SLC5A11: variants seen among roughly 807,000 people sequenced by gnomAD.
SLC5A11 encodes the protein solute carrier family 5 member 11.
Under a neutral mutation model 69.8 loss-of-function variants are expected in SLC5A11, and 48 were observed. That is an observed-to-expected ratio of 0.69 (90% CI 0.55 to 0.87). The LOEUF (loss-of-function observed/expected upper bound fraction) is 0.87, where lower values mean the gene tolerates loss of function less well. Ranked by LOEUF, SLC5A11 falls within the 40% of genes least tolerant of loss-of-function variation. SLC5A11 has a pLI of 0.00. For missense variants in SLC5A11, 784 were observed against 866.1 expected (o/e 0.91, Z 1.19); for synonymous variants, 319 against 342.4 (o/e 0.93, Z 0.75).
At chr16:24,910,178 A>T (rs923104189) in intron 14 of SLC5A11, 128 bp from the exon 16 acceptor site, 2 of 609,110 alleles carry the variant, frequency 3.3e-6, no homozygotes, top group Non-Finnish European at 4.9e-6. Flanking sequence ...ATGGGGTGGG[A>T]GGGTGGGGCT....
At chr16:24,907,758 TG>T (rs1369302403) in intron 12 of SLC5A11, among the ~76,000 whole-genome samples, 1 of 151,920 alleles carries the variant, frequency 6.6e-6, no homozygotes, top group Non-Finnish European at 1.5e-5. Context: ...TGTTGGCATG[TG>T]TCTGTAATCC....
chr16:24,864,148 C>CT (rs1357973275), intron 3 of SLC5A11, among the ~76,000 whole-genome samples: 1 of 152,082 alleles, frequency 6.6e-6, no homozygotes, highest in African/African-American at 2.4e-5. Flanking sequence ...AAAACTCAGA[C>CT]ATATTTCTGG....
chr16:24,849,602 A>ATG, intron 1 of SLC5A11, among the ~76,000 whole-genome samples: 1 of 122,232 alleles, frequency 8.2e-6, no homozygotes, highest in Non-Finnish European at 1.8e-5. Context: ...AAATATATAT[A>ATG]TATATATATA....
intron 13 of SLC5A11, 116 bp downstream of exon 14, chr16:24,908,247 G>A: frequency 8.2e-7 from 1 of 1,218,604 alleles, no homozygotes; most frequent in Non-Finnish European, 1.1e-6. Flanking sequence ...GTGTTGAGAG[G>A]GAGGGTGAGT....
intron 6 of SLC5A11, 77 bp downstream of exon 7, chr16:24,875,808 T>A (rs1464023716): frequency 8.7e-7 from 1 of 1,155,610 alleles, no homozygotes; most frequent in Non-Finnish European, 1.3e-6. Context: ...CTCAGGAGTG[T>A]CTCCTCGCTA....
At chr16:24,907,768 C>A (rs1295671671) in intron 12 of SLC5A11, among the ~76,000 whole-genome samples, 195 bp from the exon 14 acceptor site, 2 of 151,870 alleles carry the variant, frequency 1.3e-5, no homozygotes, top group East Asian at 3.9e-4. Context: ...TGTCTGTAAT[C>A]CCACCTATTC....
rs150123157 is a variant in SLC5A11 at position 24,885,337 on chromosome 16, C to T, written c.664+1206C>T. 9.6e-3 allele frequency among the ~76,000 whole-genome samples: 1,460 copies of T among 152,138 alleles called. 25 individuals are homozygous for T. The highest frequency in any genetic ancestry group is 0.034 in the African/African-American group (1,392 of 41,496). ...GTTTCTATCTTTTAGAGGTAAGCCA[C>T]TCATTAAGCCTTAAAGACTACAACA... On this transcript the variant is annotated intron_variant, in intron 8 of 15. Coordinates refer to ENST00000347898, the Ensembl canonical transcript of SLC5A11.
At chr16:24,909,666 A>T (rs1588576) in intron 14 of SLC5A11, among the ~76,000 whole-genome samples, 7 of 134,876 alleles carry the variant, frequency 5.2e-5, no homozygotes, top group Non-Finnish European at 7.9e-5. Flanking sequence ...AAAAAAAAAA[A>T]GGAAAAGAAA....
chr16:24,858,040 C>G (rs1278545537), intron 1 of SLC5A11, among the ~76,000 whole-genome samples: 5 of 152,200 alleles, frequency 3.3e-5, no homozygotes, highest in African/African-American at 9.7e-5. Context: ...TTCTGTGTCT[C>G]TGTGTCTCAA....
At chr16:24,873,301 GGAAAT>G (rs2047452765) in intron 5 of SLC5A11, among the ~76,000 whole-genome samples, 1 of 142,734 alleles carries the variant, frequency 7.0e-6, no homozygotes, top group South Asian at 2.2e-4. Context: ...AAGGAAGGAA[GGAAAT>G]AAATATAATG....
intron 8 of SLC5A11, among the ~76,000 whole-genome samples, chr16:24,884,903 G>C (rs992180726): frequency 1.3e-5 from 2 of 151,526 alleles, no homozygotes; most frequent in Non-Finnish European, 2.9e-5. Flanking sequence ...ACCATCCCTG[G>C]CTAATTTTTT....
At chr16:24,877,040 A>G (rs2047720811) in intron 6 of SLC5A11, 2 of 1,362,056 alleles carry the variant, frequency 1.5e-6, no homozygotes, top group Admixed American at 6.2e-5. Context: ...AGAAGCAGGA[A>G]GACCATTGAG....
intron 9 of SLC5A11, among the ~76,000 whole-genome samples, chr16:24,896,942 C>CTTTTTTTTTTTT (rs869210839): frequency 1.0e-5 from 1 of 97,092 alleles, no homozygotes. Flanking sequence ...AACCTCCTTC[C>CTTTTTTTTTTTT]TTTTTTTTTT....
At position 24,894,802 on chromosome 16, in the gene SLC5A11, A is replaced by AAAAC. The variant is rs570227609; in HGVS notation, c.871-3152_871-3149dup. Among the ~76,000 whole-genome samples the AAAAC allele has an allele frequency of 8.3e-4, 124 of 148,904 alleles. 1 individual carries two copies. Among genetic ancestry groups the AAAAC allele is most frequent in the East Asian group, 7.5e-3 (37 of 4,962 alleles). ...GTGACAGAGCGAGACTCCGTCCCAAAAAACAAACAAACAAACAAACAAAAA... is the reference window on the plus strand; with the variant it reads ...GTGACAGAGCGAGACTCCGTCCCAAAAAACAAACAAACAAACAAACAAACAAAAA... On this transcript the variant is annotated intron_variant, in intron 9 of 15. Coordinates refer to ENST00000347898, the Ensembl canonical transcript of SLC5A11.
chr16:24,895,978 C>G (rs1166739631), intron 9 of SLC5A11, among the ~76,000 whole-genome samples: 1 of 151,840 alleles, frequency 6.6e-6, no homozygotes, highest in Non-Finnish European at 1.5e-5. Flanking sequence ...CTACACTCTT[C>G]TCATTAAGGG....
At chr16:24,857,843 T>A (rs564426712) in intron 1 of SLC5A11, among the ~76,000 whole-genome samples, 1 of 152,342 alleles carries the variant, frequency 6.6e-6, no homozygotes, top group South Asian at 2.1e-4. Context: ...TATTCACAGG[T>A]TCTGGGGATT....
chr16:24,902,171 C>T (rs2049679903), intron 10 of SLC5A11, among the ~76,000 whole-genome samples: 1 of 151,972 alleles, frequency 6.6e-6, no homozygotes, highest in Non-Finnish European at 1.5e-5. Flanking sequence ...GGAGGATGCA[C>T]AAGGAGATAT....
At chr16:24,907,229 C>T in intron 12 of SLC5A11, 54 bp downstream of exon 13, 2 of 1,597,150 alleles carry the variant, frequency 1.3e-6, no homozygotes, top group Non-Finnish European at 1.7e-6. Flanking sequence ...CTGAGCCCAC[C>T]CAGAGGCAAA....
chr16:24,864,283 G>A (rs1024984346), intron 3 of SLC5A11, among the ~76,000 whole-genome samples: 19 of 152,208 alleles, frequency 1.2e-4, no homozygotes, highest in Non-Finnish European at 2.8e-4. Flanking sequence ...CTAAGGCAGA[G>A]TTATAAGCTG....
Sources: allele counts gnomAD v4.1 joint callset (sites outside exome capture counted in the v4.1 genomes callset), GRCh38; gene constraint gnomAD v4.1.1; transcripts MANE v1.5; gene names NCBI Gene and HGNC (gene_info 2026-07-23, HGNC 2026-07-21).